Variants in TRIM44 observed in about 807,000 individuals in gnomAD.
TRIM44 encodes the protein tripartite motif-containing protein 44.
A neutral mutation model predicts 37.4 loss-of-function variants in TRIM44; 13 were observed. The observed-to-expected ratio is 0.35, with a 90% confidence interval of 0.23 to 0.55. The LOEUF (loss-of-function observed/expected upper bound fraction) is 0.55. TRIM44 is among the 20% of genes least tolerant of loss of function. The pLI is 0.89. For synonymous variants in TRIM44, 175 were observed against 157.2 expected (o/e 1.11, Z -0.85); for missense variants, 426 against 437.2 (o/e 0.97, Z 0.23).
rs572616806 is a variant in TRIM44, at chr11:35,811,465, A to G, written c.*5080A>G. On this transcript the variant is annotated 3_prime_UTR_variant, in exon 5 of 5. Transcript: ENST00000299413. ...AAAAATGTCTTTTAGAGCAAATTAC[A>G]GTTAGGCCAACAAAATCTTTGTTTT... 5.3e-5 allele frequency: 8 copies of G among 152,192 alleles called. No homozygotes were observed. Among genetic ancestry groups the G allele is most frequent in the Non-Finnish European group, 5.9e-5 (4 of 68,020 alleles). The allele number at this position is 152,192 out of a possible 1,614,324, so 9.4% of individuals were successfully genotyped here.
intron 2 of TRIM44, among the ~76,000 whole-genome samples, chr11:35,704,876 A>G (rs1449682355): frequency 6.6e-6 from 1 of 151,906 alleles, no homozygotes; most frequent in African/African-American, 2.4e-5. Flanking sequence ...TAACCAGCTA[A>G]CATCATAATG....
At chr11:35,707,547 A>G (rs1440242423) in intron 2 of TRIM44, among the ~76,000 whole-genome samples, 1 of 151,844 alleles carries the variant, frequency 6.6e-6, no homozygotes, top group Non-Finnish European at 1.5e-5. Context: ...ACAGCATGGT[A>G]CTGGTACCAA....
At chr11:35,699,681 C>T (rs1192387834) in intron 2 of TRIM44, among the ~76,000 whole-genome samples, 1 of 151,562 alleles carries the variant, frequency 6.6e-6, no homozygotes, top group Non-Finnish European at 1.5e-5. Flanking sequence ...TTGCAGATGA[C>T]ATGATTGTAT....
intron 1 of TRIM44, among the ~76,000 whole-genome samples, chr11:35,677,136 T>C (rs1340151889): frequency 6.6e-6 from 1 of 152,218 alleles, no homozygotes; most frequent in Non-Finnish European, 1.5e-5. Context: ...CAAAAGAGGT[T>C]AAGTTTTGCT....
chr11:35,742,765 TTA>T (rs1326581753), intron 4 of TRIM44, among the ~76,000 whole-genome samples: 1 of 117,660 alleles, frequency 8.5e-6, no homozygotes, highest in African/African-American at 3.5e-5. Context: ...ATGTTATGTA[TTA>T]TATATTACAT....
At chr11:35,709,709 CTG>C (rs1452718202) in intron 2 of TRIM44, among the ~76,000 whole-genome samples, 1 of 152,182 alleles carries the variant, frequency 6.6e-6, no homozygotes, top group Non-Finnish European at 1.5e-5. Context: ...CCCAGCTACT[CTG>C]AGAGATCAGA....
At chr11:35,720,756 T>A (rs1310667855) in intron 2 of TRIM44, among the ~76,000 whole-genome samples, 1 of 151,776 alleles carries the variant, frequency 6.6e-6, no homozygotes, top group African/African-American at 2.4e-5. Context: ...AATAAATGAG[T>A]GTTGAGTTTT....
At chr11:35,772,628 T>A (rs1180123356) in intron 4 of TRIM44, among the ~76,000 whole-genome samples, 1 of 152,242 alleles carries the variant, frequency 6.6e-6, no homozygotes, top group Non-Finnish European at 1.5e-5. Context: ...TTCATGGGGC[T>A]GGTAGCCCCT....
Position 35,779,525 on chromosome 11 carries a change from G to A in TRIM44, c.1008-26833G>A, listed in dbSNP as rs181793197. Among the ~76,000 whole-genome samples the A allele has an allele frequency of 1.6e-4, 25 of 152,256 alleles. No individual in the cohort carries two copies. In the East Asian group the frequency reaches 3.1e-3, roughly 19 times the overall value. The stretch of plus-strand genomic sequence containing the variant: ...AAATCACCCGTCTTCTATTGCTCAC[G>A]CTGGGAGCTGTAGACTGGAGCTGTT... On this transcript the variant is annotated intron_variant, in intron 4 of 4. Coordinates refer to ENST00000299413, the MANE Select transcript of TRIM44 (RefSeq NM_017583.6).
chr11:35,760,967 T>C (rs1852717368), intron 4 of TRIM44, among the ~76,000 whole-genome samples: 1 of 152,182 alleles, frequency 6.6e-6, no homozygotes, highest in Non-Finnish European at 1.5e-5. Flanking sequence ...TGCCCCAGCC[T>C]CTGGTAACTA....
intron 4 of TRIM44, among the ~76,000 whole-genome samples, chr11:35,758,591 G>C (rs112929685): frequency 7.9e-5 from 12 of 152,292 alleles, no homozygotes; most frequent in African/African-American, 2.9e-4. Flanking sequence ...TTTCTTCCCA[G>C]CCTCAATGGT....
chr11:35,761,538 G>A (rs1382598897), intron 4 of TRIM44, among the ~76,000 whole-genome samples: 1 of 152,190 alleles, frequency 6.6e-6, no homozygotes, highest in Non-Finnish European at 1.5e-5. Context: ...GGCCTACTAT[G>A]TGACAGACAC....
In TRIM44 at chr11:35,776,935, A is replaced by AT. The variant is rs537339156; in HGVS notation, c.1008-29420dup. ...GCTGAGAAGAATGTATATTCTGTTG[A>AT]TTTGGGGTGGAGAGTTCTGTAGATA... On this transcript the variant is annotated intron_variant, in intron 4 of 4. Transcript: ENST00000299413. 5.0e-3 allele frequency among the ~76,000 whole-genome samples: 759 copies of AT among 152,272 alleles called. 4 individuals carry two copies. The highest frequency in any genetic ancestry group is 8.1e-3 in the Non-Finnish European group (552 of 68,028).
chr11:35,728,395 T>C lies in TRIM44; in HGVS notation c.987+2232T>C, dbSNP rs1852212427. ...TTAATCTATGAATTTAGTCCTTCTC[T>C]GACATTAGCTGTCCTTTAAGCACCT... is the stretch of plus-strand genomic sequence containing the variant. On this transcript the variant is annotated intron_variant, in intron 3 of 4. Transcript: ENST00000299413. 2.0e-5 allele frequency among the ~76,000 whole-genome samples: 3 copies of C among 152,358 alleles called. No individual in the cohort carries two copies. The South Asian group carries it at 6.2e-4, about 32-fold the overall frequency.
At chr11:35,749,648 A>T (rs573841892) in intron 4 of TRIM44, among the ~76,000 whole-genome samples, 4 of 152,212 alleles carry the variant, frequency 2.6e-5, no homozygotes, top group Non-Finnish European at 5.9e-5. Context: ...GTGCCACTGC[A>T]CTCCAGCCTG....
At chr11:35,700,580 A>G (rs998206149) in intron 2 of TRIM44, among the ~76,000 whole-genome samples, 1 of 152,348 alleles carries the variant, frequency 6.6e-6, no homozygotes, top group Admixed American at 6.5e-5. Flanking sequence ...TCCTTTCACA[A>G]CAACACAGAC....
At chr11:35,797,061 T>C (rs554156021) in intron 4 of TRIM44, among the ~76,000 whole-genome samples, 1 of 152,314 alleles carries the variant, frequency 6.6e-6, no homozygotes, top group Admixed American at 6.5e-5. Flanking sequence ...TATCTGATTT[T>C]AGGTCTGGGG....
intron 1 of TRIM44, among the ~76,000 whole-genome samples, chr11:35,673,211 G>C (rs887385863): frequency 6.6e-6 from 1 of 152,182 alleles, no homozygotes. Context: ...TGGCAGGATA[G>C]GTTACTTTTT....
rs1485786565 is a variant in TRIM44 at position 35,807,543 on chromosome 11, A to G, written c.*1158A>G. 1 of 152,064 alleles carries G rather than the reference A, an allele frequency of 6.6e-6. No individual in the cohort carries two copies. Among genetic ancestry groups the G allele is most frequent in the Non-Finnish European group, 1.5e-5 (1 of 68,008 alleles). The allele number at this position is 152,064 out of a possible 1,614,324, so 9.4% of individuals were successfully genotyped here. On this transcript the variant is annotated 3_prime_UTR_variant, in exon 5 of 5. Transcript: ENST00000299413. ...TACTTCCAAATCACAATTTCTTACAACCAAGCTTTGTGCTCCCGAGTAAGC... is the reference window on the plus strand; with the variant it reads ...TACTTCCAAATCACAATTTCTTACAGCCAAGCTTTGTGCTCCCGAGTAAGC...
Sources: allele counts gnomAD v4.1 joint callset (sites outside exome capture counted in the v4.1 genomes callset), GRCh38; gene constraint gnomAD v4.1.1; transcripts MANE v1.5; gene names NCBI Gene and HGNC (gene_info 2026-07-23, HGNC 2026-07-21).